PUS10: variants seen among roughly 807,000 people sequenced by gnomAD.
PUS10 encodes the protein tRNA pseudouridine synthase Pus10.
In PUS10, 59 loss-of-function variants were observed where a neutral mutation model predicts 75.0. The ratio of observed to expected loss-of-function variants is 0.79; its 90% CI spans 0.64 to 0.98. PUS10 has a LOEUF of 0.98. Among genes scored for constraint, PUS10 ranks in the 50% least tolerant of loss-of-function variants. The pLI is 0.00. For missense variants in PUS10, 650 were observed against 614.4 expected (o/e 1.06, Z -0.61); for synonymous variants, 219 against 211.6 (o/e 1.03, Z -0.30).
At chr2:60,952,206 C>G (rs939623592) in intron 15 of PUS10, among the ~76,000 whole-genome samples, 3 of 151,806 alleles carry the variant, frequency 2.0e-5, no homozygotes, top group Non-Finnish European at 4.4e-5. Context: ...TGGTGGTGGG[C>G]GCCTATAATC....
At position 61,003,321 on chromosome 2, in the gene PUS10, G is replaced by A. The variant is rs1345621554; in HGVS notation, c.468+3236C>T. On this transcript the variant is annotated intron_variant, in intron 4 of 17. Coordinates refer to ENST00000316752, the MANE Select transcript of PUS10 (RefSeq NM_144709.4). ...TACTAAAAATACAAAAATTAGCTGG[G>A]TGTGGTGGCATATGCCTGTAATCCC... is the stretch of plus-strand genomic sequence containing the variant. Among the ~76,000 whole-genome samples, 3 of 152,064 alleles carry A rather than the reference G, an allele frequency of 2.0e-5. No individual in the cohort carries two copies. In the East Asian group the frequency reaches 5.8e-4, roughly 30 times the overall value.
chr2:60,990,574 T>G (rs940501227), intron 4 of PUS10, among the ~76,000 whole-genome samples: 1 of 152,192 alleles, frequency 6.6e-6, no homozygotes, highest in Admixed American at 6.5e-5. Flanking sequence ...TTCAAATCAC[T>G]GCAATCCCTG....
chr2:60,984,745 AG>A (rs1677614304), intron 4 of PUS10, among the ~76,000 whole-genome samples: 1 of 152,222 alleles, frequency 6.6e-6, no homozygotes, highest in African/African-American at 2.4e-5. Flanking sequence ...TGCATATGTG[AG>A]CTCTGTAAGT....
Position 60,943,582 on chromosome 2 carries a change from C to T in PUS10, c.1552-1149G>A, listed in dbSNP as rs554444465. Among the ~76,000 whole-genome samples, 51 of 151,950 alleles carry T rather than the reference C, an allele frequency of 3.4e-4. 1 individual carries two copies. Among genetic ancestry groups the T allele is most frequent in the Middle Eastern group, 3.4e-3 (1 of 294 alleles). On this transcript the variant is annotated intron_variant, in intron 17 of 17. Coordinates refer to ENST00000316752, the MANE Select transcript of PUS10 (RefSeq NM_144709.4). The stretch of plus-strand genomic sequence containing the variant: ...TTTCATTAATCCATGAGTCACTTCA[C>T]GTACTGGCTTCAAAAAAAATTTATT...
rs1558863440 is a variant in PUS10, at chr2:60,948,114, G to A, written c.1380C>T (p.Val460=). The part of the protein sequence containing the change: ...HRRPLAVRAR[V]IHFMETQYVD... ...CGTACTGTGTCTCCATGAAGTGAATGACGCGAGCTCGCACAGCCAGGGGCC... is the reference window on the plus strand; with the variant it reads ...CGTACTGTGTCTCCATGAAGTGAATAACGCGAGCTCGCACAGCCAGGGGCC... Residue 460 remains valine, a synonymous_variant, in exon 16 of 18, where the codon GTC becomes GTT. Coordinates refer to ENST00000316752, the MANE Select transcript of PUS10 (RefSeq NM_144709.4). The A allele has an allele frequency of 6.2e-7, 1 of 1,614,130 alleles. No individual in the cohort carries two copies. Among genetic ancestry groups the A allele is most frequent in the African/African-American group, 1.3e-5 (1 of 75,028 alleles).
In PUS10 at chr2:60,961,750, T is replaced by TGCTA. The variant is rs745927273; in HGVS notation, c.789-206_789-203dup. On this transcript the variant is annotated intron_variant, in intron 9 of 17. Transcript: ENST00000316752. Reference sequence around the variant, plus strand: ...GGCACTAAGTAAATAAGGGCTCTGCTGCTACCTTTCACCTTCGGGAGGACT... The same window carrying TGCTA: ...GGCACTAAGTAAATAAGGGCTCTGCTGCTAGCTACCTTTCACCTTCGGGAGGACT... Among the ~76,000 whole-genome samples, 9 of 152,336 alleles carry TGCTA rather than the reference T, an allele frequency of 5.9e-5. No individual in the cohort carries two copies. The East Asian group carries it at 9.6e-4, about 16-fold the overall frequency.
At chr2:60,956,231 T>A (rs1200044984) in intron 11 of PUS10, among the ~76,000 whole-genome samples, 1 of 152,230 alleles carries the variant, frequency 6.6e-6, no homozygotes, top group Non-Finnish European at 1.5e-5. Context: ...GTGAAGTTAC[T>A]AATAAATCCA....
At chr2:60,980,460 T>C (rs1469105253) in intron 4 of PUS10, among the ~76,000 whole-genome samples, 1 of 152,230 alleles carries the variant, frequency 6.6e-6, no homozygotes, top group African/African-American at 2.4e-5. Context: ...AAGGCTGACC[T>C]GTGATGGCAG....
intron 4 of PUS10, among the ~76,000 whole-genome samples, chr2:60,984,736 G>A (rs1558943913): frequency 6.6e-6 from 1 of 152,166 alleles, no homozygotes; most frequent in Non-Finnish European, 1.5e-5. Context: ...GCTCATATAT[G>A]CATATGTGAG....
intron 1 of PUS10, among the ~76,000 whole-genome samples, chr2:61,016,008 C>T (rs1346289416): frequency 1.3e-5 from 2 of 152,146 alleles, no homozygotes; most frequent in Non-Finnish European, 2.9e-5. Flanking sequence ...AATCAATAAG[C>T]ACTTTAAAAG....
At position 60,979,851 on chromosome 2, in the gene PUS10, G is replaced by GAATATA. The variant is rs1361246660; in HGVS notation, c.469-8295_469-8294insTATATT. ...GGACAAGTCAAGAGGGGAAAAGCAAGGACAGATCAGCATAGAATGAATCTG... is the reference window on the plus strand; with the variant it reads ...GGACAAGTCAAGAGGGGAAAAGCAAGAATATAGACAGATCAGCATAGAATGAATCTG... On this transcript the variant is annotated intron_variant, in intron 4 of 17. Coordinates refer to ENST00000316752, the MANE Select transcript of PUS10 (RefSeq NM_144709.4). Among the ~76,000 whole-genome samples, 15 of 152,358 alleles carry GAATATA rather than the reference G, an allele frequency of 9.8e-5. No individual in the cohort carries two copies. In the East Asian group the frequency reaches 2.9e-3, roughly 29 times the overall value.
chr2:60,948,072 G>A lies in PUS10; in HGVS notation c.1422C>T (p.Phe474=), dbSNP rs770289093. Residue 474 remains phenylalanine, a synonymous_variant, in exon 16 of 18, where the codon TTC becomes TTT. Coordinates refer to ENST00000316752, the MANE Select transcript of PUS10 (RefSeq NM_144709.4). ...CAGCCTGAGTTTTCAAGTGGAGGCG[G>A]AAGTGGTGCTCATCCACGTACTGTG... ...METQYVDEHH[F]RLHLKTQAGT... 6.2e-7 allele frequency: 1 copy of A among 1,614,142 alleles called. No homozygotes were observed. The highest frequency in any genetic ancestry group is 8.5e-7 in the Non-Finnish European group (1 of 1,180,018).
intron 4 of PUS10, among the ~76,000 whole-genome samples, chr2:60,972,256 G>A (rs750770686): frequency 1.3e-4 from 19 of 149,816 alleles, no homozygotes; most frequent in East Asian, 6.2e-4. Flanking sequence ...GACGTCAGGA[G>A]ATCGAGACCA....
At chr2:60,990,649 C>T (rs778781536) in intron 4 of PUS10, among the ~76,000 whole-genome samples, 3 of 152,144 alleles carry the variant, frequency 2.0e-5, no homozygotes, top group Non-Finnish European at 4.4e-5. Flanking sequence ...TGCTAATGCC[C>T]CTAGCTAGAA....
At chr2:60,945,522 A>C (rs1674890781) in intron 16 of PUS10, among the ~76,000 whole-genome samples, 1 of 152,210 alleles carries the variant, frequency 6.6e-6, no homozygotes, top group Admixed American at 6.5e-5. Flanking sequence ...GTTTCCACAG[A>C]GCCACACAGA....
intron 11 of PUS10, among the ~76,000 whole-genome samples, chr2:60,955,720 G>A (rs971776027): frequency 2.0e-5 from 3 of 152,100 alleles, no homozygotes; most frequent in Admixed American, 2.0e-4. Flanking sequence ...TGTTCCCAAG[G>A]TCACACAAGT....
intron 4 of PUS10, among the ~76,000 whole-genome samples, chr2:60,999,564 G>A (rs2104630421): frequency 1.3e-5 from 2 of 152,284 alleles, no homozygotes; most frequent in South Asian, 4.1e-4. Flanking sequence ...GTGCTGCAGT[G>A]AGCTGTGATC....
At chr2:60,993,979 T>G (rs1404554436) in intron 4 of PUS10, among the ~76,000 whole-genome samples, 1 of 152,012 alleles carries the variant, frequency 6.6e-6, no homozygotes, top group African/African-American at 2.4e-5. Flanking sequence ...TTAGTAGAGA[T>G]GGGGTTTCAC....
At position 60,965,237 on chromosome 2, in the gene PUS10, C is replaced by G. The variant is rs538159718; in HGVS notation, c.678-134G>C. The G allele has an allele frequency of 3.0e-6, 3 of 1,010,454 alleles. No homozygotes were observed. The East Asian group carries it at 7.2e-5, about 24-fold the overall frequency. The allele number at this position is 1,010,454 out of a possible 1,614,324, so 62.6% of individuals were successfully genotyped here. A position where few individuals can be genotyped will look rare whatever the true frequency, so the allele number is the denominator to read the frequency against. On this transcript the variant is annotated intron_variant, in intron 7 of 17. Transcript: ENST00000316752. ...CAGACAAAATGAGTCCCTGTATGAGCTATATCGGTTTGCCCAGGAACTATG... is the reference window on the plus strand; with the variant it reads ...CAGACAAAATGAGTCCCTGTATGAGGTATATCGGTTTGCCCAGGAACTATG...
Sources: gnomAD v4.1 joint callset for allele counts (sites outside exome capture counted in the v4.1 genomes callset) on GRCh38, gnomAD v4.1.1 for gene constraint, MANE v1.5 for transcripts, NCBI Gene and HGNC (gene_info 2026-07-23, HGNC 2026-07-21) for gene names.